The following NDUFS4 variants were observed in gnomAD, a reference collection of about 807,000 sequenced individuals.
The protein encoded by NDUFS4 is NADH dehydrogenase [ubiquinone] iron-sulfur protein 4, mitochondrial.
NDUFS4 carries 28 observed loss-of-function variants against 24.3 expected under a neutral mutation model. That is an observed-to-expected ratio of 1.15 (90% CI 0.85 to 1.58). The LOEUF is 1.58. NDUFS4 is among the 40% of genes most tolerant of loss of function. NDUFS4 has a pLI of 0.00. For missense variants in NDUFS4, 223 were observed against 207.9 expected, an observed-to-expected ratio of 1.07 and a Z score of -0.45; for synonymous variants, 93 against 69.7, an observed-to-expected ratio of 1.34 and a Z score of -1.67.
At chr5:53,614,435 G>T (rs1750786896) in intron 2 of NDUFS4, among the ~76,000 whole-genome samples, 2 of 151,856 alleles carry the variant, frequency 1.3e-5, no homozygotes, top group South Asian at 4.2e-4. Flanking sequence ...AGGAACAAAA[G>T]ATCTTTCCCC....
chr5:53,643,591 G>C (rs1322191822), intron 2 of NDUFS4, among the ~76,000 whole-genome samples: 8 of 152,078 alleles, frequency 5.3e-5, no homozygotes, highest in Non-Finnish European at 1.5e-5. Context: ...TGTGCTTAAA[G>C]AACAGGTTCT....
At chr5:53,647,643 A>T (rs1751907014) in intron 3 of NDUFS4, among the ~76,000 whole-genome samples, 1 of 152,230 alleles carries the variant, frequency 6.6e-6, no homozygotes, top group Non-Finnish European at 1.5e-5. Flanking sequence ...GTTAAATTTA[A>T]AAAGCTGTCA....
intron 2 of NDUFS4, among the ~76,000 whole-genome samples, chr5:53,637,309 GT>G (rs546534750): frequency 6.6e-6 from 1 of 152,110 alleles, no homozygotes; most frequent in East Asian, 1.9e-4. Context: ...TACCAGGCCA[GT>G]TTTTTTACCC....
At chr5:53,680,772 C>A (rs147265914) in intron 4 of NDUFS4, among the ~76,000 whole-genome samples, 2 of 152,046 alleles carry the variant, frequency 1.3e-5, no homozygotes, top group Non-Finnish European at 2.9e-5. Context: ...GCGCAGCACA[C>A]CAGCATGGCA....
intron 4 of NDUFS4, among the ~76,000 whole-genome samples, chr5:53,680,029 A>G (rs1483287892): frequency 6.6e-6 from 1 of 152,176 alleles, no homozygotes; most frequent in Non-Finnish European, 1.5e-5. Context: ...AATGAAATAG[A>G]TAAAACTTGC....
intron 1 of NDUFS4, among the ~76,000 whole-genome samples, chr5:53,589,447 G>A (rs1012891198): frequency 2.0e-5 from 3 of 152,258 alleles, no homozygotes; most frequent in Non-Finnish European, 4.4e-5. Flanking sequence ...TTACTGGGAT[G>A]TAGGAAAAGA....
intron 1 of NDUFS4, among the ~76,000 whole-genome samples, chr5:53,570,684 CTTTTTTTTTTTT>C (rs70983360): frequency 8.3e-6 from 1 of 119,864 alleles, no homozygotes; most frequent in Non-Finnish European, 1.7e-5. Context: ...ATTTTTTTTT[CTTTTTTTTTTTT>C]TTTTTGAGAC....
intron 1 of NDUFS4, among the ~76,000 whole-genome samples, chr5:53,602,068 G>A (rs403207): frequency 0.79 from 119,426 of 152,080 alleles, 47,030 homozygotes; most frequent in African/African-American, 0.84. Context: ...ATGAGGGGGA[G>A]CTACTTACTG....
At chr5:53,603,350 T>TTTTTAA in intron 1 of NDUFS4, 102 bp from the exon 2 acceptor site, 1 of 783,424 alleles carries the variant, frequency 1.3e-6, no homozygotes, top group East Asian at 2.8e-5. Context: ...TTTTTTTTTT[T>TTTTTAA]TAATAAGACA....
chr5:53,562,830 T>G (rs1325831331), intron 1 of NDUFS4, among the ~76,000 whole-genome samples: 1 of 152,242 alleles, frequency 6.6e-6, no homozygotes, highest in Admixed American at 6.5e-5. Flanking sequence ...AAATTCATTT[T>G]ATTGTAATGC....
At position 53,607,892 on chromosome 5, in the gene NDUFS4, C is replaced by T. The variant is rs772879518; in HGVS notation, c.177+4362C>T. On this transcript the variant is annotated intron_variant, in intron 2 of 4. Coordinates refer to ENST00000296684, the MANE Select transcript of NDUFS4 (RefSeq NM_002495.4). Reference sequence around the variant, plus strand: ...ACGAGTGCCAAAATGCAAATGAGTGCCACTCTTCTCACTTTTCAGTTTTCA... The same window carrying T: ...ACGAGTGCCAAAATGCAAATGAGTGTCACTCTTCTCACTTTTCAGTTTTCA... Among the ~76,000 whole-genome samples the T allele has an allele frequency of 1.1e-4, 17 of 152,242 alleles. 1 individual carries two copies. The South Asian group carries it at 1.5e-3, about 13-fold the overall frequency.
intron 2 of NDUFS4, among the ~76,000 whole-genome samples, chr5:53,611,229 A>G (rs1192972384): frequency 1.3e-5 from 2 of 151,600 alleles, no homozygotes; most frequent in East Asian, 3.9e-4. Flanking sequence ...CTGGGCATCA[A>G]TTATGTATCA....
chr5:53,675,418 T>A (rs956782827), intron 4 of NDUFS4, among the ~76,000 whole-genome samples: 23 of 152,124 alleles, frequency 1.5e-4, no homozygotes, highest in Non-Finnish European at 3.1e-4. Flanking sequence ...CGCCTTGGCC[T>A]CCCAAAGTGC....
intron 4 of NDUFS4, among the ~76,000 whole-genome samples, chr5:53,667,909 C>T (rs1752565894): frequency 6.6e-6 from 1 of 152,196 alleles, no homozygotes; most frequent in African/African-American, 2.4e-5. Context: ...TGTTAAAGCC[C>T]ATGGGCTAGT....
intron 4 of NDUFS4, among the ~76,000 whole-genome samples, chr5:53,670,654 C>A (rs1347088879): frequency 6.7e-6 from 1 of 150,290 alleles, no homozygotes; most frequent in Admixed American, 6.7e-5. Context: ...GTAAATAGTT[C>A]ATTAAATAAT....
At chr5:53,607,213 C>CA (rs1434687174) in intron 2 of NDUFS4, among the ~76,000 whole-genome samples, 15 of 152,186 alleles carry the variant, frequency 9.9e-5, no homozygotes, top group Admixed American at 9.2e-4. Flanking sequence ...AGGTGTTGCC[C>CA]ATGATACACT....
At chr5:53,652,181 G>A (rs1213491336) in intron 3 of NDUFS4, among the ~76,000 whole-genome samples, 1 of 152,132 alleles carries the variant, frequency 6.6e-6, no homozygotes, top group Admixed American at 6.5e-5. Context: ...GTATTACAGA[G>A]GGTTGGAAGT....
intron 1 of NDUFS4, among the ~76,000 whole-genome samples, chr5:53,566,258 G>T (rs1749022283): frequency 6.6e-6 from 1 of 152,174 alleles, no homozygotes; most frequent in Non-Finnish European, 1.5e-5. Context: ...TCTGTTTGGG[G>T]TGAGGTATAC....
chr5:53,578,733 G>A (rs761189000), intron 1 of NDUFS4, among the ~76,000 whole-genome samples: 12 of 152,032 alleles, frequency 7.9e-5, no homozygotes, highest in Non-Finnish European at 1.5e-4. Context: ...GCTCCTCCTC[G>A]ATGTCATCAT....
Sources: allele counts gnomAD v4.1 joint callset (sites outside exome capture counted in the v4.1 genomes callset), GRCh38; gene constraint gnomAD v4.1.1; transcripts MANE v1.5; gene names NCBI Gene and HGNC (gene_info 2026-07-23, HGNC 2026-07-21).